Variants in FOXP2 observed in about 807,000 individuals in gnomAD.
FOXP2 encodes forkhead box P2, also known as forkhead box protein P2.
FOXP2 carries 12 observed loss-of-function variants against 115.8 expected under a neutral mutation model. That is an observed-to-expected ratio of 0.10 (90% CI 0.07 to 0.17). The LOEUF (loss-of-function observed/expected upper bound fraction) is 0.17, where lower values mean the gene tolerates loss of function less well. FOXP2 is among the 10% of genes least tolerant of loss of function. The probability of loss-of-function intolerance (pLI) is 1.00; values close to 1 mark genes in which losing one functional copy is unlikely to be tolerated. For missense variants in FOXP2, 629 were observed against 843.5 expected, an observed-to-expected ratio of 0.75 and a Z score of 3.15; for synonymous variants, 328 against 297.7, an observed-to-expected ratio of 1.10 and a Z score of -1.05.
intron 8 of FOXP2, 79 bp from the exon 9 acceptor site, chr7:114,652,124 G>A: frequency 7.7e-7 from 1 of 1,298,574 alleles, no homozygotes; most frequent in Non-Finnish European, 1.1e-6. Context: ...TGACTTCAGT[G>A]TAGTGCTTTT....
chr7:114,248,400 C>G (rs1178613364), intron 1 of FOXP2, among the ~76,000 whole-genome samples: 1 of 152,078 alleles, frequency 6.6e-6, no homozygotes, highest in African/African-American at 2.4e-5. Flanking sequence ...ATCTGGGCAC[C>G]TCATGGCCCA....
Position 114,662,139 on chromosome 7 carries a change from T to A in FOXP2, c.1722T>A (p.Thr574=). Reference sequence around the variant, plus strand: ...AAAATGTTAAAGGAGCAGTATGGACTGTGGATGAAGTAGAATACCAGAAGC... The same window carrying A: ...AAAATGTTAAAGGAGCAGTATGGACAGTGGATGAAGTAGAATACCAGAAGC... ...RVENVKGAVW[T]VDEVEYQKRR... The change falls in exon 14 of 17, where the codon ACT becomes ACA. Residue 574 remains threonine, a synonymous_variant. Coordinates refer to ENST00000350908, the MANE Select transcript of FOXP2 (RefSeq NM_014491.4). The A allele has an allele frequency of 6.2e-7, 1 of 1,613,018 alleles. No homozygotes were observed. The highest frequency in any genetic ancestry group is 8.5e-7 in the Non-Finnish European group (1 of 1,179,254).
chr7:114,348,671 C>A (rs1791405729), intron 2 of FOXP2, among the ~76,000 whole-genome samples: 1 of 152,028 alleles, frequency 6.6e-6, no homozygotes, highest in South Asian at 2.1e-4. Context: ...GCTTTCTTAT[C>A]TGTAAAACTG....
At chr7:114,254,195 A>G (rs1795535245) in intron 1 of FOXP2, among the ~76,000 whole-genome samples, 1 of 152,180 alleles carries the variant, frequency 6.6e-6, no homozygotes, top group African/African-American at 2.4e-5. Context: ...CTTTGTGGGT[A>G]ACCCGACCTT....
Position 114,678,547 on chromosome 7 carries a change from CTTTTT to C in FOXP2, c.2004-11213_2004-11209del, listed in dbSNP as rs35525759. On this transcript the variant is annotated intron_variant, in intron 16 of 16. Transcript: ENST00000350908. ...TACTTCTCTCCGGAAATAAGTGACT[CTTTTT>C]TTTTTTTTTTTTTTTTTTTTTGCTT... is the stretch of plus-strand genomic sequence containing the variant. 1.7e-4 allele frequency among the ~76,000 whole-genome samples: 8 copies of C among 48,408 alleles called. No individual in the cohort carries two copies. In the East Asian group the frequency reaches 1.9e-3, roughly 11 times the overall value. 31.8% of individuals were successfully genotyped at this position (48,408 alleles called of 152,430 possible). A position where few individuals can be genotyped will look rare whatever the true frequency, so the allele number is the denominator to read the frequency against.
intron 16 of FOXP2, among the ~76,000 whole-genome samples, chr7:114,677,987 G>A (rs1192819057): frequency 6.6e-6 from 1 of 152,222 alleles, no homozygotes; most frequent in Non-Finnish European, 1.5e-5. Context: ...TACATAGGTA[G>A]TATCAGAGAC....
intron 1 of FOXP2, among the ~76,000 whole-genome samples, chr7:114,106,886 T>A (rs1791132771): frequency 6.6e-6 from 1 of 152,040 alleles, no homozygotes; most frequent in Non-Finnish European, 1.5e-5. Context: ...ATTTATTTGC[T>A]TTACGTATGT....
chr7:114,466,205 C>CT (rs1795792286), intron 2 of FOXP2, among the ~76,000 whole-genome samples: 1 of 152,158 alleles, frequency 6.6e-6, no homozygotes, highest in African/African-American at 2.4e-5. Flanking sequence ...TTGCTAGAGA[C>CT]CCATCACTGG....
In FOXP2 at chr7:114,693,748, C is replaced by G; in HGVS notation, c.*3822C>G. ...ATTTCTGAAGTATAAATAAAAAAAT[C>G]TAATTCTTTTTGACCCATTTATAAC... On this transcript the variant is annotated 3_prime_UTR_variant, in exon 17 of 17. Transcript: ENST00000350908. The G allele has an allele frequency of 3.2e-6, 1 of 312,422 alleles. No individual in the cohort carries two copies. Among genetic ancestry groups the G allele is most frequent in the South Asian group, 2.8e-5 (1 of 35,604 alleles). The allele number at this position is 312,422 out of a possible 1,614,324, so 19.4% of individuals were successfully genotyped here.
chr7:114,123,534 A>C (rs1791624544), intron 1 of FOXP2, among the ~76,000 whole-genome samples: 1 of 152,046 alleles, frequency 6.6e-6, no homozygotes, highest in Non-Finnish European at 1.5e-5. Context: ...TTTAGCACTT[A>C]TTTAACATAG....
At chr7:114,086,666 C>T (rs1799426331), upstream of FOXP2, 1 of 320,808 alleles carries the variant, frequency 3.1e-6, no homozygotes, top group Admixed American at 4.0e-5. Flanking sequence ...CCACCCTGTC[C>T]CAGCCACCTC....
At chr7:114,511,324 T>G (rs1308559106) in intron 2 of FOXP2, among the ~76,000 whole-genome samples, 3 of 152,170 alleles carry the variant, frequency 2.0e-5, no homozygotes, top group African/African-American at 7.2e-5. Context: ...CTGCACGTTC[T>G]GTACATGTAT....
intron 2 of FOXP2, among the ~76,000 whole-genome samples, chr7:114,487,490 C>A (rs924951298): frequency 6.6e-6 from 1 of 152,118 alleles, no homozygotes; most frequent in Admixed American, 6.6e-5. Context: ...TAACATTGGG[C>A]CCCTCATTAC....
At chr7:114,369,592 C>G (rs1016390380) in intron 2 of FOXP2, among the ~76,000 whole-genome samples, 3 of 151,840 alleles carry the variant, frequency 2.0e-5, no homozygotes, top group African/African-American at 7.3e-5. Flanking sequence ...TATCGTGTCT[C>G]TCTCCTTTAA....
chr7:114,208,437 G>A (rs1221344862), intron 1 of FOXP2, among the ~76,000 whole-genome samples: 2 of 152,124 alleles, frequency 1.3e-5, no homozygotes, highest in Non-Finnish European at 2.9e-5. Flanking sequence ...AGGGGGAAGG[G>A]ACTTGCCTTG....
At chr7:114,371,195 C>G (rs1329515166) in intron 2 of FOXP2, among the ~76,000 whole-genome samples, 1 of 151,938 alleles carries the variant, frequency 6.6e-6, no homozygotes, top group East Asian at 1.9e-4. Context: ...GTCCTCCTGC[C>G]TCAGCCTCCT....
chr7:114,158,576 T>C (rs964510111), upstream of FOXP2, among the ~76,000 whole-genome samples: 2 of 152,142 alleles, frequency 1.3e-5, no homozygotes, highest in South Asian at 4.1e-4. Context: ...ACCATGAAAC[T>C]TTCCTTTGTC....
chr7:114,164,231 T>C (rs1792913924), intron 1 of FOXP2, among the ~76,000 whole-genome samples: 1 of 152,166 alleles, frequency 6.6e-6, no homozygotes, highest in South Asian at 2.1e-4. Context: ...AATTTAGCAG[T>C]AACTATGCAT....
At chr7:114,273,344 T>C (rs936375389) in intron 1 of FOXP2, among the ~76,000 whole-genome samples, 13 of 152,036 alleles carry the variant, frequency 8.6e-5, no homozygotes, top group African/African-American at 2.9e-4. Flanking sequence ...TGTTAAGATG[T>C]GTTTTATGAC....
Sources: allele counts gnomAD v4.1 joint callset (sites outside exome capture counted in the v4.1 genomes callset), GRCh38; gene constraint gnomAD v4.1.1; transcripts MANE v1.5; gene names NCBI Gene and HGNC (gene_info 2026-07-23, HGNC 2026-07-21).